The following PRKCE variants were observed in gnomAD, a reference collection of about 807,000 sequenced individuals.
PRKCE encodes the protein protein kinase C epsilon type.
A neutral mutation model predicts 85.4 loss-of-function variants in PRKCE; 16 were observed. That is an observed-to-expected ratio of 0.19 (90% CI 0.13 to 0.28). The LOEUF is 0.28. PRKCE is among the 10% of genes least tolerant of loss of function. The probability of loss-of-function intolerance (pLI) is 1.00; values close to 1 mark genes in which losing one functional copy is unlikely to be tolerated. For synonymous variants in PRKCE, 388 were observed against 371.5 expected (o/e 1.04, Z -0.51); for missense variants, 573 against 975.2 (o/e 0.59, Z 5.49).
chr2:45,977,498 A>G (rs947141954), intron 3 of PRKCE, among the ~76,000 whole-genome samples: 1 of 151,984 alleles, frequency 6.6e-6, no homozygotes, highest in African/African-American at 2.4e-5. Flanking sequence ...TTAGCTGGCC[A>G]TGGTGGTGTG....
intron 2 of PRKCE, among the ~76,000 whole-genome samples, chr2:45,847,587 G>A (rs1691900133): frequency 6.6e-6 from 1 of 152,106 alleles, no homozygotes; most frequent in Non-Finnish European, 1.5e-5. Flanking sequence ...GGGAGATGGT[G>A]AAATTGAGAG....
chr2:45,842,594 A>G (rs528160769), intron 1 of PRKCE, among the ~76,000 whole-genome samples: 50 of 152,224 alleles, frequency 3.3e-4, no homozygotes, highest in African/African-American at 1.2e-3. Flanking sequence ...GGCTTTCTCA[A>G]CCTCAACATC....
At chr2:45,840,551 G>T (rs1050654619) in intron 1 of PRKCE, 1 of 152,230 alleles carries the variant, frequency 6.6e-6, no homozygotes, top group Non-Finnish European at 1.5e-5. Flanking sequence ...CCCAAACTCA[G>T]GTGAGCAGCT....
intron 2 of PRKCE, among the ~76,000 whole-genome samples, chr2:45,938,909 C>T (rs535195011): frequency 1.3e-5 from 2 of 152,136 alleles, no homozygotes; most frequent in African/African-American, 2.4e-5. Context: ...GCACCTCATT[C>T]GTAACTCTTT....
At chr2:45,700,881 G>A (rs1678581472) in intron 1 of PRKCE, among the ~76,000 whole-genome samples, 1 of 152,202 alleles carries the variant, frequency 6.6e-6, no homozygotes, top group African/African-American at 2.4e-5. Flanking sequence ...CAGACACAGA[G>A]ATAGGAGCTG....
intron 1 of PRKCE, among the ~76,000 whole-genome samples, chr2:45,826,831 T>A (rs976791757): frequency 6.6e-6 from 1 of 152,186 alleles, no homozygotes; most frequent in Non-Finnish European, 1.5e-5. Flanking sequence ...GCAAATCCTT[T>A]TGGCTCTATC....
intron 2 of PRKCE, among the ~76,000 whole-genome samples, chr2:45,899,646 G>C (rs554333465): frequency 6.6e-6 from 1 of 152,270 alleles, no homozygotes; most frequent in Admixed American, 6.5e-5. Context: ...GCCTCCCAAA[G>C]TGCTGAGATT....
intron 10 of PRKCE, among the ~76,000 whole-genome samples, chr2:46,028,424 A>G (rs980576023): frequency 2.6e-5 from 4 of 152,268 alleles, no homozygotes; most frequent in Non-Finnish European, 5.9e-5. Context: ...TATGAAAACC[A>G]TAGTTATCTT....
chr2:46,093,340 T>C lies in PRKCE; in HGVS notation c.1592+6978T>C, dbSNP rs572510593. ...GATAGTATAAAGCTTAGATGTTACT[T>C]CAGTCAAAGATATACATACAGATGA... On this transcript the variant is annotated intron_variant, in intron 11 of 14. Coordinates refer to ENST00000306156, the MANE Select transcript of PRKCE (RefSeq NM_005400.3). Among the ~76,000 whole-genome samples, 20 of 152,180 alleles carry C rather than the reference T, an allele frequency of 1.3e-4. No homozygotes were observed. The South Asian group carries it at 3.9e-3, about 30-fold the overall frequency.
intron 2 of PRKCE, among the ~76,000 whole-genome samples, chr2:45,878,451 C>A (rs1408147441): frequency 6.6e-6 from 1 of 152,230 alleles, no homozygotes; most frequent in African/African-American, 2.4e-5. Context: ...TGATCTTTCA[C>A]TTGCGCCTCA....
At chr2:46,166,108 C>T (rs1249864436) in intron 14 of PRKCE, among the ~76,000 whole-genome samples, 1 of 152,184 alleles carries the variant, frequency 6.6e-6, no homozygotes, top group Non-Finnish European at 1.5e-5. Context: ...GGAGGCCTCT[C>T]CTGCATGCTC....
chr2:45,930,953 C>T lies in PRKCE; in HGVS notation c.413-45476C>T, dbSNP rs550264423. On this transcript the variant is annotated intron_variant, in intron 2 of 14. Transcript: ENST00000306156. ...AGGAGAAGGCAACTTACCCTAATGG[C>T]GTGCTGCTGTTGGGCACATAATTGT... Among the ~76,000 whole-genome samples, 381 of 152,266 alleles carry T rather than the reference C, an allele frequency of 2.5e-3. 1 individual carries two copies. Among genetic ancestry groups the T allele is most frequent in the African/African-American group, 7.6e-3 (314 of 41,538 alleles).
chr2:45,690,078 G>C (rs1387763898), intron 1 of PRKCE, among the ~76,000 whole-genome samples: 1 of 152,062 alleles, frequency 6.6e-6, no homozygotes, highest in African/African-American at 2.4e-5. Flanking sequence ...TCTTGCTTTT[G>C]TTACTTACCA....
intron 2 of PRKCE, among the ~76,000 whole-genome samples, chr2:45,945,078 G>C (rs909096814): frequency 1.3e-5 from 2 of 152,082 alleles, no homozygotes; most frequent in African/African-American, 2.4e-5. Flanking sequence ...GCAGGGAAAC[G>C]ATGGCCACAC....
chr2:45,874,074 T>C (rs1244157130), intron 2 of PRKCE, among the ~76,000 whole-genome samples: 7 of 152,240 alleles, frequency 4.6e-5, no homozygotes, highest in Non-Finnish European at 7.3e-5. Context: ...GATATAGTGC[T>C]GTAAGGTGCC....
chr2:45,771,703 G>A (rs961688155), intron 1 of PRKCE, among the ~76,000 whole-genome samples: 1 of 8,192 alleles, frequency 1.2e-4, no homozygotes, highest in Non-Finnish European at 0.018. Flanking sequence ...AGAGTGGGGC[G>A]TGTGTGTGTG....
intron 2 of PRKCE, among the ~76,000 whole-genome samples, chr2:45,880,779 G>C (rs1224138835): frequency 6.6e-6 from 1 of 152,166 alleles, no homozygotes; most frequent in African/African-American, 2.4e-5. Context: ...GTCTTATTAA[G>C]AAACACTACT....
chr2:45,752,036 C>G (rs1463230249), intron 1 of PRKCE, among the ~76,000 whole-genome samples: 1 of 150,316 alleles, frequency 6.7e-6, no homozygotes, highest in Non-Finnish European at 1.5e-5. Flanking sequence ...CCGGGATGGT[C>G]TCGATCTGCT....
chr2:45,784,925 G>T (rs1330277745), intron 1 of PRKCE, among the ~76,000 whole-genome samples: 1 of 152,172 alleles, frequency 6.6e-6, no homozygotes, highest in Admixed American at 6.5e-5. Context: ...GTACACTTAA[G>T]ATCTGGTACT....
Sources: gnomAD v4.1 joint callset for allele counts (sites outside exome capture counted in the v4.1 genomes callset) on GRCh38, gnomAD v4.1.1 for gene constraint, MANE v1.5 for transcripts, NCBI Gene and HGNC (gene_info 2026-07-23, HGNC 2026-07-21) for gene names.